Variants in MAEA observed in about 807,000 individuals in gnomAD.
The protein encoded by MAEA is macrophage erythroblast attacher, E3 ubiquitin ligase.
MAEA carries 22 observed loss-of-function variants against 46.2 expected under a neutral mutation model. That is an observed-to-expected ratio of 0.48 (90% CI 0.34 to 0.68). MAEA has a LOEUF of 0.68. Ranked by LOEUF, MAEA falls within the 30% of genes least tolerant of loss-of-function variation. The pLI is 0.01. For synonymous variants in MAEA, 246 were observed against 222.6 expected (o/e 1.11, Z -0.94); for missense variants, 393 against 558.1 (o/e 0.70, Z 2.98).
chr4:1,301,876 C>T (rs1333312590), intron 1 of MAEA, among the ~76,000 whole-genome samples: 1 of 152,196 alleles, frequency 6.6e-6, no homozygotes, highest in Admixed American at 6.5e-5. Context: ...CAAAAAACCT[C>T]ACAAAGAAAA....
chr4:1,292,138 G>C (rs564363108), intron 1 of MAEA, among the ~76,000 whole-genome samples: 17 of 152,210 alleles, frequency 1.1e-4, no homozygotes, highest in African/African-American at 3.1e-4. Context: ...TGTGGAAGGT[G>C]GGGGGTGGAT....
chr4:1,290,675 A>C (rs1734013530), intron 1 of MAEA, among the ~76,000 whole-genome samples: 2 of 152,208 alleles, frequency 1.3e-5, no homozygotes, highest in South Asian at 2.1e-4. Flanking sequence ...GCTTTCCTAG[A>C]GCTGCGGCTG....
chr4:1,308,490 C>T (rs1022319888), intron 1 of MAEA, among the ~76,000 whole-genome samples: 2 of 152,178 alleles, frequency 1.3e-5, no homozygotes, highest in African/African-American at 2.4e-5. Flanking sequence ...GCCTAACGTT[C>T]TGAGGAATTG....
rs1407843808 is a variant in MAEA, at chr4:1,338,424, A to G, written c.902A>G (p.Gln301Arg). Residue 301 changes from glutamine to arginine, a missense_variant and splice_region_variant, in exon 8 of 9, where the codon CAG becomes CGG. By Grantham distance (43) the Gln-to-Arg change is conservative. This residue lies in a region of MAEA where 358 missense variants were observed against 537.9 expected (regional missense o/e 0.67). Coordinates refer to ENST00000303400, the MANE Select transcript of MAEA (RefSeq NM_001017405.3). Reference sequence around the variant, plus strand: ...CCCTTCCTTGACCCGATGCTCAGACAGTGCTACAAGGAGGACGGCAGCTCC... The same window carrying G: ...CCCTTCCTTGACCCGATGCTCAGACGGTGCTACAAGGAGGACGGCAGCTCC... The part of the protein sequence containing the change: ...QAGLSAIKTP[Q>R]CYKEDGSSKS... 1.9e-6 allele frequency: 3 copies of G among 1,608,310 alleles called. No homozygotes were observed. The highest frequency in any genetic ancestry group is 2.6e-6 in the Non-Finnish European group (3 of 1,176,214).
In MAEA at chr4:1,339,141, C is replaced by T; in HGVS notation, c.1163C>T (p.Ser388Leu). 1 of 1,613,954 alleles carries T rather than the reference C, an allele frequency of 6.2e-7. No homozygotes were observed. Among genetic ancestry groups the T allele is most frequent in the South Asian group, 1.1e-5 (1 of 91,084 alleles). The change falls in exon 9 of 9, where the codon TCA becomes TTA. Residue 388 changes from serine (S) to leucine (L), a missense_variant. This residue lies in a region of MAEA where 358 missense variants were observed against 537.9 expected (regional missense o/e 0.67). Coordinates refer to ENST00000303400, the MANE Select transcript of MAEA (RefSeq NM_001017405.3). Reference protein sequence around the residue: ...CPRTKEVFHFSQAEKVYIM With the variant: ...CPRTKEVFHFLQAEKVYIM Reference sequence around the variant, plus strand: ...AGAACCAAAGAAGTCTTCCACTTCTCACAAGCCGAGAAGGTGTACATCATG... The same window carrying T: ...AGAACCAAAGAAGTCTTCCACTTCTTACAAGCCGAGAAGGTGTACATCATG...
chr4:1,308,962 C>G (rs1736106921), intron 1 of MAEA, among the ~76,000 whole-genome samples: 1 of 152,140 alleles, frequency 6.6e-6, no homozygotes, highest in Non-Finnish European at 1.5e-5. Flanking sequence ...ATGCTTTGCC[C>G]CTTTTCACTG....
Position 1,289,930 on chromosome 4 carries a change from C to A in MAEA, c.17C>A (p.Ser6Ter). The change falls in exon 1 of 9, where the codon TCG (serine) becomes TAG (stop). Residue 6 changes from serine (S) to a stop codon, truncating the protein, a stop_gained. Coordinates refer to ENST00000303400, the MANE Select transcript of MAEA (RefSeq NM_001017405.3). LOFTEE classifies it high-confidence loss of function. The part of the protein sequence containing the change: MAVQE[S>*]AAQLSMTLKV... ...CGCTTCAAGATGGCGGTGCAGGAGT[C>A]GGCGGCTCAGTTGTCCATGACCCTG... The A allele has an allele frequency of 6.2e-7, 1 of 1,601,026 alleles. No homozygotes were observed. The highest frequency in any genetic ancestry group is 2.3e-5 in the East Asian group (1 of 44,102).
chr4:1,325,305 G>A (rs1004774100), intron 4 of MAEA, among the ~76,000 whole-genome samples: 3 of 152,234 alleles, frequency 2.0e-5, no homozygotes, highest in Admixed American at 6.5e-5. Flanking sequence ...TTTGCTGCAC[G>A]TCTGTGCGAA....
At chr4:1,308,056 C>T (rs934901912) in intron 1 of MAEA, among the ~76,000 whole-genome samples, 4 of 79,430 alleles carry the variant, frequency 5.0e-5, no homozygotes, top group African/African-American at 9.0e-5. Context: ...CATCGTTAGG[C>T]GACTTTGCGG....
chr4:1,310,894 C>T (rs1560345541), intron 1 of MAEA, among the ~76,000 whole-genome samples: 1 of 152,276 alleles, frequency 6.6e-6, no homozygotes. Flanking sequence ...CCAGTCCTGT[C>T]TCTGTTGCCC....
At chr4:1,292,897 T>TTTC (rs1394712288) in intron 1 of MAEA, among the ~76,000 whole-genome samples, 1,725 of 148,838 alleles carry the variant, frequency 0.012, 34 homozygotes, top group African/African-American at 0.04. Context: ...TTTTTTTTTT[T>TTTC]TTTTTTTCTT....
At chr4:1,324,730 G>T (rs1284110822) in intron 4 of MAEA, among the ~76,000 whole-genome samples, 1 of 115,492 alleles carries the variant, frequency 8.7e-6, no homozygotes, top group Non-Finnish European at 1.7e-5. Context: ...TGTGTCTGGT[G>T]TTGGATGAAG....
chr4:1,339,177 G>A lies in MAEA; in HGVS notation c.*8G>A, dbSNP rs745621827. 8.1e-6 allele frequency: 13 copies of A among 1,611,186 alleles called. No homozygotes were observed. The highest frequency in any genetic ancestry group is 6.7e-5 in the East Asian group (3 of 44,848). On this transcript the variant is annotated 3_prime_UTR_variant, in exon 9 of 9. Transcript: ENST00000303400. ...AAGGTGTACATCATGTAGGCCCCAC[G>A]TCGTGAAGCGCACGCCTCGGGGACG...
chr4:1,326,738 T>A (rs1350877276), intron 4 of MAEA, among the ~76,000 whole-genome samples: 2 of 151,642 alleles, frequency 1.3e-5, no homozygotes, highest in African/African-American at 4.9e-5. Flanking sequence ...CCCCTTGGCC[T>A]CACAGCCACC....
At chr4:1,290,809 T>C (rs1167808010) in intron 1 of MAEA, among the ~76,000 whole-genome samples, 3 of 152,204 alleles carry the variant, frequency 2.0e-5, no homozygotes. Context: ...GGATGCAGTA[T>C]GGCCAGGTTG....
chr4:1,329,069 C>T (rs1316290038), intron 5 of MAEA: 20 of 985,688 alleles, frequency 2.0e-5, no homozygotes, highest in East Asian at 1.1e-4. Context: ...AGTCAGCCTC[C>T]GTCTCCTTGA....
At chr4:1,304,191 C>T (rs1003933734) in intron 1 of MAEA, among the ~76,000 whole-genome samples, 1 of 152,290 alleles carries the variant, frequency 6.6e-6, no homozygotes, top group Admixed American at 6.5e-5. Flanking sequence ...TGTTGCTGGT[C>T]CAAATCGTCG....
intron 1 of MAEA, among the ~76,000 whole-genome samples, chr4:1,305,184 G>A (rs1029237938): frequency 5.3e-5 from 8 of 151,856 alleles, no homozygotes; most frequent in African/African-American, 1.9e-4. Context: ...TCCTCTTGCG[G>A]TTTGCCCAGT....
rs149727499 is a variant in MAEA, at chr4:1,333,280, G to A, written c.765+415G>A. Among the ~76,000 whole-genome samples, 693 of 151,974 alleles carry A rather than the reference G, an allele frequency of 4.6e-3. 6 individuals carry two copies. Among genetic ancestry groups the A allele is most frequent in the African/African-American group, 0.016 (667 of 41,410 alleles). On this transcript the variant is annotated intron_variant, in intron 6 of 8. Coordinates refer to ENST00000303400, the MANE Select transcript of MAEA (RefSeq NM_001017405.3). ...CACTTGAGCCCATAAGGTTGAGGCT[G>A]CAGTGAGCCAAGATTGTGCCACTGC... is the stretch of plus-strand genomic sequence containing the variant.
Sources: gnomAD v4.1 joint callset for allele counts (sites outside exome capture counted in the v4.1 genomes callset) on GRCh38, gnomAD v4.1.1 for gene constraint, gnomAD v4.1.1 regional missense constraint, MANE v1.5 for transcripts, NCBI Gene and HGNC (gene_info 2026-07-23, HGNC 2026-07-21) for gene names.